The following RFC4 variants were observed in gnomAD, a reference collection of about 807,000 sequenced individuals.
RFC4 encodes the protein A1 37 kDa subunit.
A neutral mutation model predicts 47.6 loss-of-function variants in RFC4; 38 were observed. The observed-to-expected ratio is 0.80, with a 90% CI of 0.62 to 1.05. The LOEUF (loss-of-function observed/expected upper bound fraction) is 1.05. Among genes scored for constraint, RFC4 ranks in the 50% least tolerant of loss-of-function variants. The pLI is 0.00. For missense variants in RFC4, 489 were observed against 434.0 expected, an observed-to-expected ratio of 1.13 and a Z score of -1.13; for synonymous variants, 164 against 150.0, an observed-to-expected ratio of 1.09 and a Z score of -0.68.
At chr3:186,791,539 C>G in intron 8 of RFC4, 186 bp downstream of exon 8, 1 of 630,086 alleles carries the variant, frequency 1.6e-6, no homozygotes, top group Non-Finnish European at 2.9e-6. Context: ...TGTTACATGC[C>G]TGACAAACTG....
chr3:186,802,783 G>A (rs956857106), intron 2 of RFC4, among the ~76,000 whole-genome samples: 10 of 151,812 alleles, frequency 6.6e-5, no homozygotes, highest in Admixed American at 3.3e-4. Context: ...TATAAAGCAG[G>A]GACTCATATT....
At position 186,789,948 on chromosome 3, in the gene RFC4, C is replaced by T. The variant is rs1358740451; in HGVS notation, c.*21G>A. On this transcript the variant is annotated 3_prime_UTR_variant, in exon 11 of 11. Transcript: ENST00000296273. ...TTACAACTTCATTATTTACAAAACCCCCCATCCAGATATATTCACGTTAAC... is the reference window on the plus strand; with the variant it reads ...TTACAACTTCATTATTTACAAAACCTCCCATCCAGATATATTCACGTTAAC... 2.1e-6 allele frequency: 3 copies of T among 1,435,144 alleles called. No homozygotes were observed. Among genetic ancestry groups the T allele is most frequent in the South Asian group, 2.4e-5 (2 of 84,814 alleles). 88.9% of individuals were successfully genotyped at this position (1,435,144 alleles called of 1,614,324 possible).
chr3:186,790,667 C>A (rs1056287982), intron 8 of RFC4, among the ~76,000 whole-genome samples: 1 of 152,184 alleles, frequency 6.6e-6, no homozygotes, highest in Non-Finnish European at 1.5e-5. Context: ...ATAGCTTGTT[C>A]TGGTCAGTGG....
Position 186,794,709 on chromosome 3 carries a change from C to T in RFC4, c.359G>A (p.Arg120Gln), listed in dbSNP as rs751204219. ...TTGAGCAAAATTTTTCACTTTCTCT[C>T]GAACTACTTGTATTCCACGTTCATC... is the stretch of plus-strand genomic sequence containing the variant. The part of the protein sequence containing the change: ...ASDERGIQVV[R>Q]EKVKNFAQLT... The change falls in exon 5 of 11, where the codon CGA becomes CAA. Residue 120 changes from arginine (R) to glutamine (Q), a missense_variant. Transcript: ENST00000296273. The T allele has an allele frequency of 1.9e-5, 31 of 1,613,942 alleles. No homozygotes were observed. The South Asian group carries it at 2.9e-4, about 15-fold the overall frequency.
At chr3:186,790,973 A>T (rs889112736) in intron 8 of RFC4, among the ~76,000 whole-genome samples, 1 of 152,224 alleles carries the variant, frequency 6.6e-6, no homozygotes, top group Non-Finnish European at 1.5e-5. Context: ...GCAGGTGAAA[A>T]ATGTCACAGA....
In RFC4 at chr3:186,793,065, T is replaced by G; in HGVS notation, c.411-118A>C. On this transcript the variant is annotated intron_variant, in intron 5 of 10. Coordinates refer to ENST00000296273, the MANE Select transcript of RFC4 (RefSeq NM_002916.5). The surrounding 1 kb of genome is among the most constrained non-coding windows in gnomAD (Gnocchi z 4.2). ...ATTTAAAATGTACAATTCAGTGTTT[T>G]TCTGTATGTTCACAAAGTTGTGCAA... 1 of 845,132 alleles carries G rather than the reference T, an allele frequency of 1.2e-6. No individual in the cohort carries two copies. The highest frequency in any genetic ancestry group is 1.8e-6 in the Non-Finnish European group (1 of 566,546). The allele number at this position is 845,132 out of a possible 1,614,324, so 52.4% of individuals were successfully genotyped here.
In RFC4 at chr3:186,796,712, C is replaced by G. The variant is rs1256672389; in HGVS notation, c.290+823G>C. 3.3e-5 allele frequency among the ~76,000 whole-genome samples: 5 copies of G among 152,032 alleles called. No individual in the cohort carries two copies. In the South Asian group the frequency reaches 1.0e-3, roughly 32 times the overall value. On this transcript the variant is annotated intron_variant, in intron 4 of 10. Transcript: ENST00000296273. This position sits in a 1 kb window ranked among gnomAD's most constrained non-coding sequence, Gnocchi z 4.2. ...CCAGGCTGGTTTCGAACTCCTCACC[C>G]CAGGTGATCCACCTGCCTCGGCCTC... is the stretch of plus-strand genomic sequence containing the variant.
At chr3:186,791,967 A>AAAC (rs774823602) in intron 7 of RFC4, 117 bp from the exon 8 acceptor site, 1 of 874,348 alleles carries the variant, frequency 1.1e-6, no homozygotes, top group Non-Finnish European at 1.7e-6. Flanking sequence ...TAATGAGAAA[A>AAAC]AACATTTCTG....
chr3:186,797,609 A>T lies in RFC4; in HGVS notation c.216T>A (p.Pro72=). The T allele has an allele frequency of 1.9e-6, 3 of 1,597,412 alleles. No individual in the cohort carries two copies. Among genetic ancestry groups the T allele is most frequent in the South Asian group, 1.1e-5 (1 of 88,714 alleles). The change falls in exon 4 of 11, where the codon CCT becomes CCA. Residue 72 remains proline, a synonymous_variant. Transcript: ENST00000296273. ...LKKSLEGADL[P]NLLFYGPPGT... is the part of the protein sequence containing the mutation. The stretch of plus-strand genomic sequence containing the variant: ...CAGGTGGTCCGTAAAACAAGAGATT[A>T]GGAAGCTGTAGAAATTAAATTTTAT...
rs3082241 is a variant in RFC4 at position 186,796,026 on chromosome 3, T to TACAC, written c.291-1253_291-1250dup. On this transcript the variant is annotated intron_variant, in intron 4 of 10. Coordinates refer to ENST00000296273, the MANE Select transcript of RFC4 (RefSeq NM_002916.5). The surrounding 1 kb of genome is among the most constrained non-coding windows in gnomAD (Gnocchi z 4.2). Reference sequence around the variant, plus strand: ...TTTTTGAAACTTCCCTCTAGTCTTTTACACACACACACACACACACACACA... The same window carrying TACAC: ...TTTTTGAAACTTCCCTCTAGTCTTTTACACACACACACACACACACACACACACA... Among the ~76,000 whole-genome samples, 43,754 of 149,072 alleles carry TACAC rather than the reference T, an allele frequency of 0.29. 6,447 individuals carry two copies. Among genetic ancestry groups the TACAC allele is most frequent in the Non-Finnish European group, 0.33 (21,935 of 67,054 alleles).
Position 186,804,683 on chromosome 3 carries a change from T to C in RFC4, c.31A>G (p.Ser11Gly), listed in dbSNP as rs771027302. The change falls in exon 2 of 11, where the codon AGT becomes GGT. Residue 11 changes from serine (S) to glycine (G), a missense_variant. Physicochemically the swap from Ser to Gly is moderately conservative, Grantham distance 56 (BLOSUM62 0). Around this residue, in one of 2 missense-constraint regions of RFC4, gnomAD observed 206 missense variants for 257.8 expected, o/e 0.80. Transcript: ENST00000296273. MQAFLKGTSI[S>G]TKPPLTKDRG... ...TCCTTGGTCAGCGGGGGTTTAGTAC[T>C]GATGGATGTACCTTTAAGAAATGCT... 4 of 1,613,542 alleles carry C rather than the reference T, an allele frequency of 2.5e-6. No homozygotes were observed. Among genetic ancestry groups the C allele is most frequent in the Admixed American group, 3.3e-5 (2 of 59,968 alleles).
chr3:186,795,451 G>C (rs1226877166), intron 4 of RFC4, among the ~76,000 whole-genome samples: 1 of 152,090 alleles, frequency 6.6e-6, no homozygotes, highest in Non-Finnish European at 1.5e-5. Context: ...TAGACATCTA[G>C]ATAGTTTTAA....
chr3:186,801,823 A>C (rs1722362502), intron 2 of RFC4, among the ~76,000 whole-genome samples: 1 of 151,842 alleles, frequency 6.6e-6, no homozygotes, highest in South Asian at 2.1e-4. Flanking sequence ...CAGGAGTTCA[A>C]GACCAGCCTG....
intron 3 of RFC4, among the ~76,000 whole-genome samples, chr3:186,800,302 A>G (rs971164282): frequency 1.3e-5 from 2 of 152,246 alleles, no homozygotes; most frequent in Non-Finnish European, 2.9e-5. Flanking sequence ...ACATACTGGT[A>G]AAGAAAAAGA....
intron 8 of RFC4, 165 bp downstream of exon 8, chr3:186,791,560 G>C: frequency 1.4e-6 from 1 of 691,404 alleles, no homozygotes; most frequent in Non-Finnish European, 2.6e-6. Context: ...AAAAGTCAGT[G>C]CTATCTCCTC....
At chr3:186,801,429 G>A in intron 2 of RFC4, 1 of 503,010 alleles carries the variant, frequency 2.0e-6, no homozygotes. Context: ...GCTCGAATCT[G>A]TTATACCCAC....
At position 186,792,580 on chromosome 3, in the gene RFC4, T is replaced by C. The variant is rs143671709; in HGVS notation, c.585A>G (p.Ser195=). The change falls in exon 7 of 11, where the codon TCA becomes TCG. Residue 195 remains serine, a synonymous_variant. Transcript: ENST00000296273. ...CTGACAGAGGCTTGAAGCGGAATTT[T>C]GAACATCTAGAGGTCAGGGGTTCAA... ...RIIEPLTSRC[S]KFRFKPLSDK... 75 of 1,614,092 alleles carry C rather than the reference T, an allele frequency of 4.6e-5. No homozygotes were observed. The African/African-American group carries it at 8.9e-4, about 19-fold the overall frequency.
chr3:186,792,120 T>G (rs1171527065), intron 7 of RFC4, among the ~76,000 whole-genome samples: 1 of 152,204 alleles, frequency 6.6e-6, no homozygotes, highest in Non-Finnish European at 1.5e-5. Flanking sequence ...ATTCAAATTA[T>G]GGTTAAATTC....
At chr3:186,791,197 T>G (rs927271506) in intron 8 of RFC4, 1 of 156,238 alleles carries the variant, frequency 6.4e-6, no homozygotes. Flanking sequence ...ATCTAAAAAC[T>G]GAAGGCTGGG....
Sources: gnomAD v4.1 joint callset for allele counts (sites outside exome capture counted in the v4.1 genomes callset) on GRCh38, gnomAD v4.1.1 for gene constraint, gnomAD v4.1.1 regional missense constraint, Gnocchi (gnomAD v3.1) non-coding constraint, MANE v1.5 for transcripts, NCBI Gene and HGNC (gene_info 2026-07-23, HGNC 2026-07-21) for gene names.